XPO4: variants seen among roughly 807,000 people sequenced by gnomAD.
XPO4 encodes exportin-4.
A neutral mutation model predicts 143.0 loss-of-function variants in XPO4; 39 were observed. The observed-to-expected ratio is 0.27, with a 90% confidence interval of 0.21 to 0.36. The LOEUF is 0.36. Among genes scored for constraint, XPO4 ranks in the 10% least tolerant of loss-of-function variants. The pLI, the probability that XPO4 is intolerant of heterozygous loss-of-function variation, is 1.00. For synonymous variants in XPO4, 439 were observed against 474.0 expected, an observed-to-expected ratio of 0.93 and a Z score of 0.96; for missense variants, 907 against 1,348.0, an observed-to-expected ratio of 0.67 and a Z score of 5.12.
At position 20,828,736 on chromosome 13, in the gene XPO4, G is replaced by A. The variant is rs180730427; in HGVS notation, c.728-1557C>T. 9.1e-3 allele frequency among the ~76,000 whole-genome samples: 1,380 copies of A among 152,240 alleles called. 25 individuals are homozygous for A. The highest frequency in any genetic ancestry group is 0.01 in the Middle Eastern group (3 of 292). On this transcript the variant is annotated intron_variant, in intron 6 of 22. Transcript: ENST00000255305. ...GCCCCCTTGTGGAGGTACAGGGAAA[G>A]AGGTGAAGGCCAAAAAAGCCAAAAG...
intron 21 of XPO4, 86 bp downstream of exon 21, chr13:20,787,395 A>C: frequency 7.8e-7 from 1 of 1,280,676 alleles, no homozygotes; most frequent in Non-Finnish European, 1.1e-6. Context: ...GAATGGAAGC[A>C]TTTCCTCATT....
intron 1 of XPO4, among the ~76,000 whole-genome samples, chr13:20,887,076 A>AT (rs2060468067): frequency 6.6e-6 from 1 of 152,212 alleles, no homozygotes; most frequent in African/African-American, 2.4e-5. Context: ...GTCTCAAAAA[A>AT]AAAATAAATA....
intron 19 of XPO4, 105 bp downstream of exon 19, chr13:20,790,357 A>G (rs1264441140): frequency 2.3e-6 from 2 of 888,036 alleles, no homozygotes; most frequent in East Asian, 4.9e-5. Flanking sequence ...ATGTGCACTT[A>G]GCAGATACAA....
At chr13:20,791,883 C>T (rs1162760661) in intron 18 of XPO4, among the ~76,000 whole-genome samples, 1 of 152,188 alleles carries the variant, frequency 6.6e-6, no homozygotes, top group Admixed American at 6.5e-5. Context: ...AACTTCTCCC[C>T]TGGAATCTTT....
intron 1 of XPO4, among the ~76,000 whole-genome samples, chr13:20,898,149 G>C (rs981826652): frequency 1.3e-5 from 2 of 152,186 alleles, no homozygotes; most frequent in Non-Finnish European, 2.9e-5. Context: ...TAGGACTACA[G>C]ATGTGCAAGT....
intron 19 of XPO4, among the ~76,000 whole-genome samples, chr13:20,790,242 GGT>G (rs2059262929): frequency 6.6e-6 from 1 of 152,130 alleles, no homozygotes; most frequent in Non-Finnish European, 1.5e-5. Flanking sequence ...CTAATGTATG[GGT>G]GCCTGCAGGA....
chr13:20,863,929 G>A (rs2060223488), intron 2 of XPO4, among the ~76,000 whole-genome samples: 1 of 152,034 alleles, frequency 6.6e-6, no homozygotes. Flanking sequence ...TCTTACAAGT[G>A]TTCTTGACAC....
intron 1 of XPO4, among the ~76,000 whole-genome samples, chr13:20,901,574 T>G (rs2060621219): frequency 2.6e-5 from 4 of 152,238 alleles, no homozygotes; most frequent in Admixed American, 2.6e-4. Flanking sequence ...AAGTTAATAT[T>G]CATAATGAAG....
In XPO4 at chr13:20,842,948, C is replaced by T. The variant is rs767647297; in HGVS notation, c.674G>A (p.Arg225His). The T allele has an allele frequency of 5.6e-6, 9 of 1,613,328 alleles. No homozygotes were observed. The highest frequency in any genetic ancestry group is 3.3e-5 in the Admixed American group (2 of 59,996). Residue 225 changes from arginine (R) to histidine (H), a missense_variant, in exon 6 of 23, where the codon CGT (arginine) becomes CAT (histidine). Coordinates refer to ENST00000255305, the MANE Select transcript of XPO4 (RefSeq NM_022459.5). ...LNAQMSSVFQRYLALANQVLS... is the reference protein window; with the variant it reads ...LNAQMSSVFQHYLALANQVLS... The stretch of plus-strand genomic sequence containing the variant: ...GACTTGATTGGCGAGTGCAAGGTAA[C>T]GCTGAAATACTGAAGACATCTGAGC...
intron 13 of XPO4, among the ~76,000 whole-genome samples, chr13:20,806,539 C>CTTTTT (rs3056347): frequency 9.7e-5 from 6 of 61,648 alleles, no homozygotes; most frequent in African/African-American, 4.1e-4. Context: ...TTTCAGGACC[C>CTTTTT]TTTTTTTTTT....
At position 20,782,831 on chromosome 13, in the gene XPO4, G is replaced by A. The variant is rs2059156874; in HGVS notation, c.*891C>T. On this transcript the variant is annotated 3_prime_UTR_variant, in exon 23 of 23. Transcript: ENST00000255305. The stretch of plus-strand genomic sequence containing the variant: ...TTTGTATTTTCCTCTTAAAATTAAG[G>A]CAATGAAATGGCTACAGTTCCTAAG... The A allele has an allele frequency of 6.6e-6, 1 of 152,512 alleles. No homozygotes were observed. The highest frequency in any genetic ancestry group is 1.5e-5 in the Non-Finnish European group (1 of 68,020). The allele number at this position is 152,512 out of a possible 1,614,324, so 9.4% of individuals were successfully genotyped here. A position where few individuals can be genotyped will look rare whatever the true frequency, so the allele number is the denominator to read the frequency against.
At chr13:20,838,328 G>T (rs1416894675) in intron 6 of XPO4, among the ~76,000 whole-genome samples, 1 of 151,862 alleles carries the variant, frequency 6.6e-6, no homozygotes, top group Non-Finnish European at 1.5e-5. Flanking sequence ...TACATTTTGG[G>T]GCTGGGCGCA....
At chr13:20,847,144 T>C (rs1052796974) in intron 4 of XPO4, among the ~76,000 whole-genome samples, 1 of 152,130 alleles carries the variant, frequency 6.6e-6, no homozygotes, top group Non-Finnish European at 1.5e-5. Flanking sequence ...GGCTCAAAGG[T>C]GCCAAATGAA....
rs2059266645 is a variant in XPO4 at position 20,790,499 on chromosome 13, T to C, written c.2879A>G (p.Asn960Ser). The part of the protein sequence containing the change: ...SAADVVLYGV[N>S]LILPLMSQDL... Reference sequence around the variant, plus strand: ...CTGTGACATCAAGGGCAGAATTAGGTTTACTCCATACAACACAACATCCGC... The same window carrying C: ...CTGTGACATCAAGGGCAGAATTAGGCTTACTCCATACAACACAACATCCGC... Residue 960 changes from asparagine to serine, a missense_variant, in exon 19 of 23, where the codon AAC (asparagine) becomes AGC (serine). By Grantham distance (46) the Asn-to-Ser change is conservative. Coordinates refer to ENST00000255305, the MANE Select transcript of XPO4 (RefSeq NM_022459.5). 1 of 1,614,134 alleles carries C rather than the reference T, an allele frequency of 6.2e-7. No homozygotes were observed. Among genetic ancestry groups the C allele is most frequent in the East Asian group, 2.2e-5 (1 of 44,878 alleles).
rs543719283 is a variant in XPO4 at position 20,811,116 on chromosome 13, G to A, written c.1174-1149C>T. Among the ~76,000 whole-genome samples, 4 of 152,124 alleles carry A rather than the reference G, an allele frequency of 2.6e-5. No homozygotes were observed. The East Asian group carries it at 5.8e-4, about 22-fold the overall frequency. ...TGGCATTTATATCGCAGAGAGAGCC[G>A]GTGGACCTGGAGCAGAGAGTGATGG... On this transcript the variant is annotated intron_variant, in intron 9 of 22. Coordinates refer to ENST00000255305, the MANE Select transcript of XPO4 (RefSeq NM_022459.5).
Position 20,783,922 on chromosome 13 carries a change from A to G in XPO4, c.3259-3T>C, listed in dbSNP as rs17318617. On this transcript the variant is annotated splice_polypyrimidine_tract_variant and splice_region_variant and intron_variant, in intron 22 of 22. Coordinates refer to ENST00000255305, the MANE Select transcript of XPO4 (RefSeq NM_022459.5). ...TCGACCAGTTCAGAATATTCAGCCT[A>G]TTGAAGAGATAAAGTATACACAAGT... 734,594 of 1,612,790 alleles carry G rather than the reference A, an allele frequency of 0.46. 176,959 individuals carry two copies. Among genetic ancestry groups the G allele is most frequent in the Non-Finnish European group, 0.5 (594,367 of 1,178,942 alleles).
At chr13:20,863,048 G>A (rs974221557) in intron 2 of XPO4, 190 bp from the exon 3 acceptor site, 1 of 1,293,792 alleles carries the variant, frequency 7.7e-7, no homozygotes, top group Admixed American at 3.3e-5. Context: ...TCAGGCAGGT[G>A]GCAGCTAATC....
rs1172551681 is a variant in XPO4, at chr13:20,782,639, T to C, written c.*1083A>G. 1 of 152,598 alleles carries C rather than the reference T, an allele frequency of 6.6e-6. No individual in the cohort carries two copies. Among genetic ancestry groups the C allele is most frequent in the Admixed American group, 6.6e-5 (1 of 15,260 alleles). The allele number at this position is 152,598 out of a possible 1,614,324, so 9.5% of individuals were successfully genotyped here. ...AGTAGATATGGGCTATGTGGCTGGATAGAAACACACTCAAAAAGTTAGACT... is the reference window on the plus strand; with the variant it reads ...AGTAGATATGGGCTATGTGGCTGGACAGAAACACACTCAAAAAGTTAGACT... On this transcript the variant is annotated 3_prime_UTR_variant, in exon 23 of 23. Coordinates refer to ENST00000255305, the MANE Select transcript of XPO4 (RefSeq NM_022459.5).
chr13:20,831,874 C>T (rs1400581337), intron 6 of XPO4, among the ~76,000 whole-genome samples: 5 of 145,252 alleles, frequency 3.4e-5, no homozygotes, highest in African/African-American at 5.1e-5. Flanking sequence ...GCAAGGGTTC[C>T]GGCAAGGGAT....
Sources: allele counts gnomAD v4.1 joint callset (sites outside exome capture counted in the v4.1 genomes callset), GRCh38; gene constraint gnomAD v4.1.1; transcripts MANE v1.5; gene names NCBI Gene and HGNC (gene_info 2026-07-23, HGNC 2026-07-21).